The following STRN3 variants were observed in gnomAD, a reference collection of about 807,000 sequenced individuals.
STRN3 encodes striatin 3, also known as striatin-3.
STRN3 carries 29 observed loss-of-function variants against 95.6 expected under a neutral mutation model. The observed-to-expected ratio is 0.30, with a 90% CI of 0.23 to 0.41. The LOEUF (loss-of-function observed/expected upper bound fraction) is 0.41, where lower values mean the gene tolerates loss of function less well. STRN3 is among the 10% of genes least tolerant of loss of function. The probability of loss-of-function intolerance (pLI) is 1.00; values close to 1 mark genes in which losing one functional copy is unlikely to be tolerated. For missense variants in STRN3, 890 were observed against 972.1 expected (o/e 0.92, Z 1.12); for synonymous variants, 331 against 357.6 (o/e 0.93, Z 0.84).
chr14:30,899,004 T>C (rs190132674), intron 16 of STRN3, among the ~76,000 whole-genome samples: 1 of 152,320 alleles, frequency 6.6e-6, no homozygotes, highest in African/African-American at 2.4e-5. Context: ...TAGTACTATA[T>C]CTACCTTACA....
chr14:30,897,446 G>A (rs187140458), intron 16 of STRN3, among the ~76,000 whole-genome samples: 17 of 152,192 alleles, frequency 1.1e-4, no homozygotes, highest in African/African-American at 3.9e-4. Context: ...TTAGCTGGGT[G>A]TGGTGGTTAG....
chr14:31,015,121 G>A (rs781015683), intron 1 of STRN3, among the ~76,000 whole-genome samples: 4 of 152,076 alleles, frequency 2.6e-5, no homozygotes, highest in African/African-American at 4.8e-5. Context: ...GAGCGCCACC[G>A]CGTCCAGCCT....
chr14:30,937,082 A>G (rs951133014), intron 5 of STRN3, among the ~76,000 whole-genome samples: 1 of 152,046 alleles, frequency 6.6e-6, no homozygotes, highest in African/African-American at 2.4e-5. Flanking sequence ...GCACTTTGGG[A>G]GGTGAAGAGG....
At chr14:30,964,932 GA>G (rs781194159) in intron 1 of STRN3, among the ~76,000 whole-genome samples, 1 of 140,742 alleles carries the variant, frequency 7.1e-6, no homozygotes, top group Non-Finnish European at 1.6e-5. Flanking sequence ...AAAAAAAAAA[GA>G]AAAAAAAAGA....
At chr14:30,961,566 A>G (rs1355211681) in intron 1 of STRN3, among the ~76,000 whole-genome samples, 2 of 152,234 alleles carry the variant, frequency 1.3e-5, no homozygotes, top group Middle Eastern at 3.2e-3. Flanking sequence ...AGTCATACAG[A>G]AGTACAATAC....
chr14:31,002,625 G>A (rs1422048889), intron 1 of STRN3, among the ~76,000 whole-genome samples: 1 of 148,888 alleles, frequency 6.7e-6, no homozygotes, highest in Non-Finnish European at 1.5e-5. Flanking sequence ...TGGACAACAG[G>A]GCAAGACTGC....
Position 30,986,628 on chromosome 14 carries a change from T to C in STRN3, c.283-30386A>G, listed in dbSNP as rs149390642. 3.3e-3 allele frequency among the ~76,000 whole-genome samples: 498 copies of C among 152,380 alleles called. 2 individuals carry two copies. The highest frequency in any genetic ancestry group is 6.8e-3 in the Admixed American group (104 of 15,302). ...ACATCATTTTATCCTACTATAGTGC[T>C]ACCCTAGCATCATGCAAATTACATT... On this transcript the variant is annotated intron_variant, in intron 1 of 17. Coordinates refer to ENST00000357479, the MANE Select transcript of STRN3 (RefSeq NM_001083893.2).
intron 5 of STRN3, among the ~76,000 whole-genome samples, chr14:30,945,986 T>C (rs2139109888): frequency 6.6e-6 from 1 of 152,320 alleles, no homozygotes; most frequent in South Asian, 2.1e-4. Flanking sequence ...TTTTAATGGG[T>C]AAATTTTATG....
Position 30,929,198 on chromosome 14 carries a change from T to TGA in STRN3, c.1099+2_1099+3insTC. ...AATTATAATAGTCAGAATCTGCACTTACTCTTCACCCCTTTCTTCCCCTTT... is the reference window on the plus strand; with the variant it reads ...AATTATAATAGTCAGAATCTGCACTTGAACTCTTCACCCCTTTCTTCCCCTTT... On this transcript the variant is annotated splice_region_variant and intron_variant, in intron 8 of 17. Coordinates refer to ENST00000357479, the MANE Select transcript of STRN3 (RefSeq NM_001083893.2). 6.2e-7 allele frequency: 1 copy of TGA among 1,603,032 alleles called. No individual in the cohort carries two copies.
chr14:30,950,325 CAGGA>C (rs1387594825), intron 4 of STRN3, among the ~76,000 whole-genome samples: 1 of 152,008 alleles, frequency 6.6e-6, no homozygotes, highest in Non-Finnish European at 1.5e-5. Flanking sequence ...GAAAATCACC[CAGGA>C]TATCAGTAGG....
intron 8 of STRN3, among the ~76,000 whole-genome samples, chr14:30,921,949 C>T (rs1482551626): frequency 6.6e-6 from 1 of 152,142 alleles, no homozygotes; most frequent in Admixed American, 6.5e-5. Flanking sequence ...TGGCTCTCTA[C>T]AGCCTTGATC....
intron 7 of STRN3, among the ~76,000 whole-genome samples, 157 bp from the exon 8 acceptor site, chr14:30,929,468 A>C (rs1335163066): frequency 6.6e-6 from 1 of 152,142 alleles, no homozygotes; most frequent in Non-Finnish European, 1.5e-5. Context: ...GGTATTCACA[A>C]CTCAAACTCT....
chr14:30,966,840 C>T lies in STRN3; in HGVS notation c.283-10598G>A, dbSNP rs370074661. 1.2e-4 allele frequency among the ~76,000 whole-genome samples: 18 copies of T among 152,062 alleles called. No homozygotes were observed. The East Asian group carries it at 1.7e-3, about 15-fold the overall frequency. On this transcript the variant is annotated intron_variant, in intron 1 of 17. Coordinates refer to ENST00000357479, the MANE Select transcript of STRN3 (RefSeq NM_001083893.2). Reference sequence around the variant, plus strand: ...TCCTGCCATGGGATTTATACCAGCACGCCAACACTAAGAGGGGCCTAATTC... The same window carrying T: ...TCCTGCCATGGGATTTATACCAGCATGCCAACACTAAGAGGGGCCTAATTC...
At chr14:31,025,672 C>G (rs1883808598) in intron 1 of STRN3, 1 of 654,014 alleles carries the variant, frequency 1.5e-6, no homozygotes, top group Non-Finnish European at 2.5e-6. Flanking sequence ...ATGGCTGCCC[C>G]GAGGAGGCCC....
At chr14:30,977,411 A>T (rs1881158395) in intron 1 of STRN3, among the ~76,000 whole-genome samples, 1 of 152,124 alleles carries the variant, frequency 6.6e-6, no homozygotes, top group South Asian at 2.1e-4. Flanking sequence ...AAAATGGATT[A>T]AACTCTAGCC....
rs528561453 is a variant in STRN3, at chr14:30,958,819, T to C, written c.283-2577A>G. Among the ~76,000 whole-genome samples, 420 of 152,344 alleles carry C rather than the reference T, an allele frequency of 2.8e-3. 4 individuals carry two copies. The highest frequency in any genetic ancestry group is 9.9e-3 in the African/African-American group (410 of 41,562). ...AGCAGTATTTCCTATTAGAATCTTA[T>C]ACTGTTGTGAGAATTGGTTTTCATT... is the stretch of plus-strand genomic sequence containing the variant. On this transcript the variant is annotated intron_variant, in intron 1 of 17. Transcript: ENST00000357479.
chr14:30,935,349 A>G (rs1474037081), intron 6 of STRN3, 45 bp from the exon 7 acceptor site: 2 of 1,586,672 alleles, frequency 1.3e-6, no homozygotes, highest in East Asian at 4.5e-5. Flanking sequence ...TCCTAAATGG[A>G]AAAGGGATGC....
At chr14:30,972,435 T>G (rs1287534238) in intron 1 of STRN3, among the ~76,000 whole-genome samples, 1 of 152,200 alleles carries the variant, frequency 6.6e-6, no homozygotes, top group Non-Finnish European at 1.5e-5. Flanking sequence ...CTTGTCCAAG[T>G]GTACGTTCAC....
intron 9 of STRN3, 123 bp downstream of exon 9, chr14:30,918,843 C>T: frequency 9.7e-6 from 10 of 1,028,278 alleles, no homozygotes; most frequent in Non-Finnish European, 1.3e-5. Context: ...TGCCCAACAC[C>T]TTCTCTAAAG....
Sources: gnomAD v4.1 joint callset for allele counts (sites outside exome capture counted in the v4.1 genomes callset) on GRCh38, gnomAD v4.1.1 for gene constraint, MANE v1.5 for transcripts, NCBI Gene and HGNC (gene_info 2026-07-23, HGNC 2026-07-21) for gene names.